TNKS: variants seen among roughly 807,000 people sequenced by gnomAD.
TNKS encodes poly [ADP-ribose] polymerase tankyrase-1.
Under a neutral mutation model 135.8 loss-of-function variants are expected in TNKS, and 72 were observed. The ratio of observed to expected loss-of-function variants is 0.53; its 90% CI spans 0.44 to 0.64. The LOEUF (loss-of-function observed/expected upper bound fraction) is 0.64. Among genes scored for constraint, TNKS ranks in the 30% least tolerant of loss-of-function variants. The pLI is 0.00. For missense variants in TNKS, 1,769 were observed against 1,674.0 expected (o/e 1.06, Z -0.99); for synonymous variants, 849 against 649.3 (o/e 1.31, Z -4.68).
chr8:9,771,416 T>C (rs1239964477), intron 26 of TNKS, among the ~76,000 whole-genome samples: 14 of 61,352 alleles, frequency 2.3e-4, no homozygotes, highest in African/African-American at 7.5e-4. Flanking sequence ...GGGAGACAGA[T>C]ACTAAGGAAG....
chr8:9,663,008 A>G (rs1308734776), intron 3 of TNKS, among the ~76,000 whole-genome samples: 2 of 152,248 alleles, frequency 1.3e-5, no homozygotes, highest in African/African-American at 4.8e-5. Flanking sequence ...GGCCCAGTAT[A>G]ATCACAAGGA....
intron 2 of TNKS, among the ~76,000 whole-genome samples, chr8:9,586,747 G>GTGTA (rs1164602792): frequency 5.3e-5 from 8 of 151,326 alleles, no homozygotes; most frequent in Admixed American, 3.9e-4. Flanking sequence ...GTGTGTGTGT[G>GTGTA]TGTGTGTGTG....
intron 3 of TNKS, among the ~76,000 whole-genome samples, chr8:9,630,641 T>TA (rs1800255295): frequency 6.6e-6 from 1 of 152,216 alleles, no homozygotes; most frequent in Admixed American, 6.5e-5. Flanking sequence ...TTTCCTATAA[T>TA]AGAGTATGCA....
intron 5 of TNKS, among the ~76,000 whole-genome samples, chr8:9,697,872 C>A (rs1014057216): frequency 6.6e-6 from 1 of 152,092 alleles, no homozygotes; most frequent in Non-Finnish European, 1.5e-5. Flanking sequence ...AACAGAGCTA[C>A]CATTAGGCCC....
chr8:9,556,167 C>T lies in TNKS; in HGVS notation c.228C>T (p.Asp76=). 1.9e-6 allele frequency: 3 copies of T among 1,611,334 alleles called. No homozygotes were observed. The highest frequency in any genetic ancestry group is 2.5e-6 in the Non-Finnish European group (3 of 1,178,430). Residue 76 remains aspartate, a synonymous_variant, in exon 1 of 27, where the codon GAC becomes GAT. Coordinates refer to ENST00000310430, the MANE Select transcript of TNKS (RefSeq NM_003747.3). ...PEGDGSRDPP[D]RPRSPDPVDG... ...GGGATGGCAGTCGGGATCCGCCCGACAGGCCCCGATCCCCGGACCCGGTTG... is the reference window on the plus strand; with the variant it reads ...GGGATGGCAGTCGGGATCCGCCCGATAGGCCCCGATCCCCGGACCCGGTTG...
intron 18 of TNKS, among the ~76,000 whole-genome samples, chr8:9,749,250 A>G (rs138407612): frequency 3.4e-4 from 52 of 152,074 alleles, no homozygotes; most frequent in Middle Eastern, 6.8e-3. Flanking sequence ...AATTAAATCT[A>G]TTTTTCCCAC....
chr8:9,667,804 C>G (rs1475864302), intron 3 of TNKS, among the ~76,000 whole-genome samples: 7 of 145,974 alleles, frequency 4.8e-5, no homozygotes, highest in Non-Finnish European at 1.0e-4. Context: ...TTAGTGAAGT[C>G]TGATTAATAT....
intron 1 of TNKS, among the ~76,000 whole-genome samples, chr8:9,565,010 TA>T (rs35779371): frequency 1.0e-3 from 149 of 147,006 alleles, no homozygotes; most frequent in South Asian, 4.3e-3. Context: ...CGGGGCTCAT[TA>T]AAAAAAAAAA....
chr8:9,705,752 T>G (rs564811991), intron 6 of TNKS, among the ~76,000 whole-genome samples: 1 of 152,206 alleles, frequency 6.6e-6, no homozygotes, highest in African/African-American at 2.4e-5. Flanking sequence ...AAAAAAAGGG[T>G]TTTTTTGGTT....
chr8:9,667,958 C>G (rs973056012), intron 3 of TNKS, among the ~76,000 whole-genome samples: 1 of 151,332 alleles, frequency 6.6e-6, no homozygotes, highest in Non-Finnish European at 1.5e-5. Context: ...CAATACAGCA[C>G]TGATACAGAT....
At chr8:9,576,664 C>T (rs1797960056) in intron 1 of TNKS, among the ~76,000 whole-genome samples, 1 of 151,928 alleles carries the variant, frequency 6.6e-6, no homozygotes, top group African/African-American at 2.4e-5. Context: ...CCCTGTGACC[C>T]AATCACTTCC....
chr8:9,598,107 A>C (rs1171031987), intron 2 of TNKS, among the ~76,000 whole-genome samples: 1 of 152,162 alleles, frequency 6.6e-6, no homozygotes, highest in East Asian at 1.9e-4. Context: ...AAATAATAGT[A>C]ATGATATATT....
At chr8:9,649,714 A>G (rs565621534) in intron 3 of TNKS, among the ~76,000 whole-genome samples, 2 of 151,896 alleles carry the variant, frequency 1.3e-5, no homozygotes, top group South Asian at 4.2e-4. Flanking sequence ...ATTAGTGAGA[A>G]TACACGATAT....
chr8:9,622,196 T>G (rs1438101082), intron 3 of TNKS, among the ~76,000 whole-genome samples: 1 of 152,184 alleles, frequency 6.6e-6, no homozygotes, highest in African/African-American at 2.4e-5. Context: ...CGTAAGAGAT[T>G]AATTTCAATT....
chr8:9,673,123 C>T (rs967988331), intron 3 of TNKS, among the ~76,000 whole-genome samples: 3 of 152,040 alleles, frequency 2.0e-5, no homozygotes, highest in Non-Finnish European at 2.9e-5. Flanking sequence ...ACAATTGACA[C>T]CACATCAGAA....
chr8:9,766,009 A>G (rs1208597927), intron 24 of TNKS, among the ~76,000 whole-genome samples: 4 of 152,250 alleles, frequency 2.6e-5, no homozygotes, highest in Admixed American at 2.6e-4. Context: ...AAAATACTTG[A>G]TCTAAAATTA....
rs936689772 is a variant in TNKS at position 9,723,128 on chromosome 8, T to C, written c.1921+2583T>C. On this transcript the variant is annotated intron_variant, in intron 12 of 26. Coordinates refer to ENST00000310430, the MANE Select transcript of TNKS (RefSeq NM_003747.3). Reference sequence around the variant, plus strand: ...AAAGCTAATACAAATAAAAAATATATATAGGAAAATTTTGCCCTCCAAAAG... The same window carrying C: ...AAAGCTAATACAAATAAAAAATATACATAGGAAAATTTTGCCCTCCAAAAG... 2.7e-5 allele frequency among the ~76,000 whole-genome samples: 4 copies of C among 148,466 alleles called. No individual in the cohort carries two copies. In the East Asian group the frequency reaches 8.0e-4, roughly 30 times the overall value.
At chr8:9,773,254 AAAC>A (rs1184682311) in intron 26 of TNKS, among the ~76,000 whole-genome samples, 8 of 152,290 alleles carry the variant, frequency 5.3e-5, no homozygotes, top group Non-Finnish European at 1.0e-4. Flanking sequence ...TAAAAAATTT[AAAC>A]AACCTAAATA....
At chr8:9,569,922 A>G (rs1273446364) in intron 1 of TNKS, among the ~76,000 whole-genome samples, 3 of 152,068 alleles carry the variant, frequency 2.0e-5, no homozygotes, top group Non-Finnish European at 4.4e-5. Flanking sequence ...TTTTTAATCT[A>G]TAAACTTTTC....
Sources: gnomAD v4.1 joint callset for allele counts (sites outside exome capture counted in the v4.1 genomes callset) on GRCh38, gnomAD v4.1.1 for gene constraint, MANE v1.5 for transcripts, NCBI Gene and HGNC (gene_info 2026-07-23, HGNC 2026-07-21) for gene names.